Variants in PTPN4 observed in about 807,000 individuals in gnomAD.
The protein encoded by PTPN4 is tyrosine-protein phosphatase non-receptor type 4.
Under a neutral mutation model 135.5 loss-of-function variants are expected in PTPN4, and 49 were observed. That is an observed-to-expected ratio of 0.36 (90% CI 0.29 to 0.46). The LOEUF is 0.46. Ranked by LOEUF, PTPN4 falls within the 20% of genes least tolerant of loss-of-function variation. The probability of loss-of-function intolerance (pLI) is 1.00; values close to 1 mark genes in which losing one functional copy is unlikely to be tolerated. For synonymous variants in PTPN4, 333 were observed against 369.9 expected, an observed-to-expected ratio of 0.90 and a Z score of 1.14; for missense variants, 860 against 1,101.0, an observed-to-expected ratio of 0.78 and a Z score of 3.10.
intron 13 of PTPN4, among the ~76,000 whole-genome samples, chr2:119,927,580 C>T (rs2105033924): frequency 6.6e-6 from 1 of 152,250 alleles, no homozygotes; most frequent in East Asian, 1.9e-4. Flanking sequence ...TGAACAAAAA[C>T]ATTGGTAATG....
intron 23 of PTPN4, among the ~76,000 whole-genome samples, chr2:119,961,594 A>C (rs980848551): frequency 7.2e-5 from 11 of 152,240 alleles, no homozygotes; most frequent in Non-Finnish European, 1.6e-4. Flanking sequence ...CCACACAAAA[A>C]TTTGTACATG....
chr2:119,813,886 C>G (rs1276297577), intron 2 of PTPN4, among the ~76,000 whole-genome samples: 2 of 152,128 alleles, frequency 1.3e-5, no homozygotes, highest in Non-Finnish European at 2.9e-5. Flanking sequence ...AGAACTGTCT[C>G]CTTTGCTTCT....
Position 119,929,890 on chromosome 2 carries a change from AG to A in PTPN4, c.1071-2533del, listed in dbSNP as rs1447289328. On this transcript the variant is annotated intron_variant, in intron 13 of 26. Coordinates refer to ENST00000263708, the MANE Select transcript of PTPN4 (RefSeq NM_002830.4). ...CTTTTTCCAGCTTTTAGAAAATGAAAGTAGTTGATCTATTGATTACAGTTAG... is the reference window on the plus strand; with the variant it reads ...CTTTTTCCAGCTTTTAGAAAATGAAATAGTTGATCTATTGATTACAGTTAG... Among the ~76,000 whole-genome samples, 4 of 152,282 alleles carry A rather than the reference AG, an allele frequency of 2.6e-5. No individual in the cohort carries two copies. In the East Asian group the frequency reaches 7.7e-4, roughly 29 times the overall value.
chr2:119,765,591 A>C (rs1027477379), intron 1 of PTPN4, among the ~76,000 whole-genome samples: 1 of 152,252 alleles, frequency 6.6e-6, no homozygotes. Flanking sequence ...CAAACATTTG[A>C]AATGCCCATT....
At chr2:119,976,057 G>A (rs1302818110) in intron 26 of PTPN4, among the ~76,000 whole-genome samples, 2 of 149,164 alleles carry the variant, frequency 1.3e-5, no homozygotes, top group South Asian at 2.1e-4. Flanking sequence ...GCACAGTGGC[G>A]CGATCTCGGC....
At chr2:119,964,839 A>G (rs902290786) in intron 24 of PTPN4, among the ~76,000 whole-genome samples, 3 of 152,192 alleles carry the variant, frequency 2.0e-5, no homozygotes, top group South Asian at 2.1e-4. Context: ...TAAAATTCCA[A>G]TGACATGAAT....
At chr2:119,926,574 G>A in intron 12 of PTPN4, 24 bp from the exon 13 acceptor site, 1 of 1,509,512 alleles carries the variant, frequency 6.6e-7, no homozygotes, top group Admixed American at 1.9e-5. Flanking sequence ...AGACTTTATT[G>A]TTGTGCATAT....
At chr2:119,924,156 A>G (rs1054831228) in intron 12 of PTPN4, among the ~76,000 whole-genome samples, 2 of 147,504 alleles carry the variant, frequency 1.4e-5, no homozygotes, top group African/African-American at 5.0e-5. Context: ...AAAAAAAAAA[A>G]GCAAGGGACT....
rs982986785 is a variant in PTPN4 at position 119,929,260 on chromosome 2, T to C, written c.1070+2594T>C. On this transcript the variant is annotated intron_variant, in intron 13 of 26. Coordinates refer to ENST00000263708, the MANE Select transcript of PTPN4 (RefSeq NM_002830.4). Reference sequence around the variant, plus strand: ...CTAATATGTTAGGATCTAATTGTAATGAACAGATATATGTCTACCAAAATT... The same window carrying C: ...CTAATATGTTAGGATCTAATTGTAACGAACAGATATATGTCTACCAAAATT... Among the ~76,000 whole-genome samples the C allele has an allele frequency of 2.0e-5, 3 of 152,114 alleles. No individual in the cohort carries two copies. In the East Asian group the frequency reaches 5.8e-4, roughly 29 times the overall value.
intron 13 of PTPN4, among the ~76,000 whole-genome samples, chr2:119,931,433 CTTTTT>C (rs1158907026): frequency 1.2e-5 from 1 of 83,364 alleles, no homozygotes; most frequent in African/African-American, 5.0e-5. Flanking sequence ...TTCTTTCTTT[CTTTTT>C]TTTTTTTTTT....
Position 119,895,727 on chromosome 2 carries a change from C to T in PTPN4, c.676-4991C>T, listed in dbSNP as rs1391199162. Among the ~76,000 whole-genome samples the T allele has an allele frequency of 2.6e-5, 4 of 152,174 alleles. 1 individual carries two copies. The highest frequency in any genetic ancestry group is 5.9e-5 in the Non-Finnish European group (4 of 68,038). ...ACGAGGTCAGGAGATCGAGACCATC[C>T]TGGCTAACACGGTGAAACCCCGTCT... On this transcript the variant is annotated intron_variant, in intron 9 of 26. Coordinates refer to ENST00000263708, the MANE Select transcript of PTPN4 (RefSeq NM_002830.4).
At chr2:119,806,202 C>T (rs1480268822) in intron 1 of PTPN4, among the ~76,000 whole-genome samples, 3 of 152,080 alleles carry the variant, frequency 2.0e-5, no homozygotes, top group Admixed American at 6.6e-5. Flanking sequence ...AACATCATAA[C>T]GATGGGATCA....
At chr2:119,906,119 TA>T (rs1323843011) in intron 10 of PTPN4, among the ~76,000 whole-genome samples, 2 of 152,110 alleles carry the variant, frequency 1.3e-5, no homozygotes, top group Non-Finnish European at 2.9e-5. Context: ...AGAGCAGAAC[TA>T]AATCAAGTAG....
At chr2:119,786,127 C>T (rs745451098) in intron 1 of PTPN4, among the ~76,000 whole-genome samples, 1 of 152,106 alleles carries the variant, frequency 6.6e-6, no homozygotes, top group Non-Finnish European at 1.5e-5. Flanking sequence ...AACAGATTGT[C>T]TATGGACTGG....
chr2:119,866,059 C>T (rs994248064), intron 3 of PTPN4, among the ~76,000 whole-genome samples: 1 of 151,934 alleles, frequency 6.6e-6, no homozygotes, highest in Non-Finnish European at 1.5e-5. Context: ...TAGCTTTTAG[C>T]ATAATATCTT....
rs754572600 is a variant in PTPN4, at chr2:119,946,646, T to G, written c.1656+72T>G. On this transcript the variant is annotated intron_variant, in intron 18 of 26. Transcript: ENST00000263708. ...TACTTATTTTATAATTCTTACTAGT[T>G]TAAATAAAACAAGGAATTTCATCAT... 7.7e-6 allele frequency: 9 copies of G among 1,168,466 alleles called. No individual in the cohort carries two copies. In the East Asian group the frequency reaches 2.3e-4, roughly 30 times the overall value. 72.4% of individuals were successfully genotyped at this position (1,168,466 alleles called of 1,614,324 possible).
intron 1 of PTPN4, among the ~76,000 whole-genome samples, chr2:119,761,985 T>G (rs762021691): frequency 6.6e-6 from 1 of 152,022 alleles, no homozygotes; most frequent in Non-Finnish European, 1.5e-5. Context: ...AAACTTGTGT[T>G]TTTTTCTTAT....
intron 1 of PTPN4, among the ~76,000 whole-genome samples, chr2:119,796,273 C>T (rs1030522903): frequency 2.6e-5 from 4 of 152,190 alleles, no homozygotes; most frequent in Admixed American, 1.3e-4. Flanking sequence ...ATCCATTAAA[C>T]CACCACTACA....
intron 18 of PTPN4, among the ~76,000 whole-genome samples, chr2:119,949,417 A>C (rs1679180654): frequency 6.6e-6 from 1 of 152,208 alleles, no homozygotes; most frequent in Admixed American, 6.5e-5. Context: ...TATGGGATTC[A>C]AATATTTTAT....
Sources: gnomAD v4.1 joint callset for allele counts (sites outside exome capture counted in the v4.1 genomes callset) on GRCh38, gnomAD v4.1.1 for gene constraint, MANE v1.5 for transcripts, NCBI Gene and HGNC (gene_info 2026-07-23, HGNC 2026-07-21) for gene names.